Variants in ESRP1 observed in about 807,000 individuals in gnomAD.
ESRP1 encodes the protein epithelial splicing regulatory protein 1, also known as RNA-binding motif protein 35A.
ESRP1 carries 33 observed loss-of-function variants against 81.7 expected under a neutral mutation model. The observed-to-expected ratio is 0.40, with a 90% CI of 0.31 to 0.54. The LOEUF (loss-of-function observed/expected upper bound fraction) is 0.54. Among genes scored for constraint, ESRP1 ranks in the 20% least tolerant of loss-of-function variants. The probability of loss-of-function intolerance (pLI) is 0.41; values close to 1 mark genes in which losing one functional copy is unlikely to be tolerated. For synonymous variants in ESRP1, 320 were observed against 303.3 expected, an observed-to-expected ratio of 1.06 and a Z score of -0.57; for missense variants, 672 against 833.1, an observed-to-expected ratio of 0.81 and a Z score of 2.38.
chr8:94,665,951 T>C (rs1818996270), intron 9 of ESRP1, among the ~76,000 whole-genome samples: 1 of 152,206 alleles, frequency 6.6e-6, no homozygotes, highest in African/African-American at 2.4e-5. Context: ...TTTTTGGATG[T>C]GTATTTACAG....
At chr8:94,703,530 C>A (rs991622975) in intron 15 of ESRP1, among the ~76,000 whole-genome samples, 11 of 152,140 alleles carry the variant, frequency 7.2e-5, no homozygotes, top group Non-Finnish European at 1.0e-4. Context: ...TTTAACTTTT[C>A]CTGGCATTTC....
Position 94,641,288 on chromosome 8 carries a change from A to ACCCCCCCCCC in ESRP1, c.-24_-23insCCCCCCCCCC. ...TTCCACACCACCTTACCGCCTCCCG[A>ACCCCCCCCCC]CCCCCCCTCTCCCCCTCCCCACCTA... On this transcript the variant is annotated 5_prime_UTR_variant, in exon 1 of 16. Transcript: ENST00000433389. 1 of 1,030,374 alleles carries ACCCCCCCCCC rather than the reference A, an allele frequency of 9.7e-7. No homozygotes were observed. The highest frequency in any genetic ancestry group is 1.5e-6 in the Non-Finnish European group (1 of 679,856). 63.8% of individuals were successfully genotyped at this position (1,030,374 alleles called of 1,614,324 possible). A position where few individuals can be genotyped will look rare whatever the true frequency, so the allele number is the denominator to read the frequency against.
chr8:94,648,500 TC>T (rs1440715579), intron 4 of ESRP1, among the ~76,000 whole-genome samples: 12 of 152,252 alleles, frequency 7.9e-5, no homozygotes, highest in African/African-American at 2.9e-4. Flanking sequence ...CAACTTGTGC[TC>T]ATCTATGCAA....
intron 13 of ESRP1, among the ~76,000 whole-genome samples, chr8:94,687,530 A>G (rs7833363): frequency 0.31 from 46,394 of 152,098 alleles, 8,696 homozygotes; most frequent in East Asian, 0.56. Flanking sequence ...AAGTGGCTTC[A>G]CCATTTGACA....
At chr8:94,664,643 G>C (rs1305475530) in intron 6 of ESRP1, 54 bp from the exon 7 acceptor site, 7 of 1,284,978 alleles carry the variant, frequency 5.4e-6, no homozygotes, top group Non-Finnish European at 7.9e-6. Flanking sequence ...GGGGTAATAG[G>C]TGTCTGACTT....
At chr8:94,648,339 T>G (rs1817943766) in intron 4 of ESRP1, among the ~76,000 whole-genome samples, 1 of 152,274 alleles carries the variant, frequency 6.6e-6, no homozygotes, top group Non-Finnish European at 1.5e-5. Context: ...AAGTTAGAAA[T>G]GCTAATAAGC....
intron 15 of ESRP1, among the ~76,000 whole-genome samples, chr8:94,702,789 T>C (rs890709794): frequency 2.0e-5 from 3 of 152,112 alleles, no homozygotes; most frequent in Non-Finnish European, 4.4e-5. Context: ...AGCCTTCAAG[T>C]GAGCCTTTTA....
At chr8:94,656,909 T>G (rs571946890) in intron 4 of ESRP1, among the ~76,000 whole-genome samples, 20 of 152,346 alleles carry the variant, frequency 1.3e-4, no homozygotes, top group African/African-American at 4.8e-4. Context: ...GTGACCATTT[T>G]TAGGTAATTG....
intron 13 of ESRP1, among the ~76,000 whole-genome samples, chr8:94,692,217 T>C (rs373019248): frequency 2.0e-5 from 3 of 152,342 alleles, no homozygotes; most frequent in African/African-American, 7.2e-5. Context: ...CTCATGCTCC[T>C]ATATATAGGT....
rs16916957 is a variant in ESRP1 at position 94,672,220 on chromosome 8, T to A, written c.1452+549T>A. The stretch of plus-strand genomic sequence containing the variant: ...GCTTATTTCATATTTAATATATACA[T>A]GTTAGACATCAAATTACATTCAATA... On this transcript the variant is annotated intron_variant, in intron 11 of 15. Coordinates refer to ENST00000433389, the MANE Select transcript of ESRP1 (RefSeq NM_017697.4). Among the ~76,000 whole-genome samples the A allele has an allele frequency of 8.5e-3, 1,292 of 152,324 alleles. 25 individuals carry two copies. The highest frequency in any genetic ancestry group is 0.029 in the African/African-American group (1,218 of 41,568).
intron 9 of ESRP1, among the ~76,000 whole-genome samples, chr8:94,667,435 T>TAAA (rs3045883): frequency 3.9e-4 from 57 of 147,906 alleles, no homozygotes; most frequent in South Asian, 2.6e-3. Context: ...CTTTCTTAAT[T>TAAA]AAAAAAAAAA....
Position 94,646,218 on chromosome 8 carries a change from A to G in ESRP1, c.426A>G (p.Glu142=), listed in dbSNP as rs774786078. 1 of 1,612,918 alleles carries G rather than the reference A, an allele frequency of 6.2e-7. No homozygotes were observed. Among genetic ancestry groups the G allele is most frequent in the African/African-American group, 1.3e-5 (1 of 74,894 alleles). ...ATTCCTTTTTTGATCTTCGAAAAGA[A>G]TTCAAGAAATGTTGCCCTGGTTCAC... ...CFYSFFDLRK[E]FKKCCPGSPD... is the part of the protein sequence containing the mutation. The change falls in exon 4 of 16, where the codon GAA becomes GAG. Residue 142 remains glutamate (E), a synonymous_variant. Coordinates refer to ENST00000433389, the MANE Select transcript of ESRP1 (RefSeq NM_017697.4).
At chr8:94,702,261 C>T (rs950445454) in intron 15 of ESRP1, among the ~76,000 whole-genome samples, 4 of 152,060 alleles carry the variant, frequency 2.6e-5, no homozygotes, top group African/African-American at 9.7e-5. Flanking sequence ...ATTGGACTGT[C>T]AGCCTTAAGC....
At chr8:94,693,951 G>A (rs1489611089) in intron 14 of ESRP1, among the ~76,000 whole-genome samples, 1 of 152,154 alleles carries the variant, frequency 6.6e-6, no homozygotes, top group African/African-American at 2.4e-5. Context: ...GAAGGAAGGT[G>A]GAGGTCAGTA....
Position 94,642,064 on chromosome 8 carries a change from C to G in ESRP1, c.241C>G (p.Leu81Val), listed in dbSNP as rs375726732. ...DVESLSSASQ[L>V]DQALRQFNQS... The stretch of plus-strand genomic sequence containing the variant: ...CGAAAGCCTGTCCTCGGCGTCGCAG[C>G]TGGACCAAGCCCTCCGACAGGTGAC... The change falls in exon 2 of 16, where the codon CTG becomes GTG. Residue 81 changes from leucine to valine, a missense_variant. Coordinates refer to ENST00000433389, the MANE Select transcript of ESRP1 (RefSeq NM_017697.4). 7 of 1,612,654 alleles carry G rather than the reference C, an allele frequency of 4.3e-6. No individual in the cohort carries two copies. Among genetic ancestry groups the G allele is most frequent in the Middle Eastern group, 3.6e-4 (2 of 5,594 alleles).
intron 10 of ESRP1, among the ~76,000 whole-genome samples, chr8:94,668,788 C>CAT (rs1819150206): frequency 2.6e-5 from 2 of 76,840 alleles, no homozygotes; most frequent in African/African-American, 1.1e-4. Flanking sequence ...TAGCTTTCAG[C>CAT]ATGTGTGTGT....
chr8:94,691,361 A>C (rs1219898477), intron 13 of ESRP1, among the ~76,000 whole-genome samples: 1 of 152,228 alleles, frequency 6.6e-6, no homozygotes, highest in African/African-American at 2.4e-5. Context: ...TAGAAGGTTG[A>C]GGGCAGCTTA....
rs1368542783 is a variant in ESRP1, at chr8:94,676,038, T to C, written c.1651+1532T>C. Among the ~76,000 whole-genome samples, 5 of 152,218 alleles carry C rather than the reference T, an allele frequency of 3.3e-5. No individual in the cohort carries two copies. The East Asian group carries it at 9.6e-4, about 29-fold the overall frequency. ...AAGGAATGTTTTATGGTTAACTTCA[T>C]TTTTGTAGTCAGTGCATATACACTA... On this transcript the variant is annotated intron_variant, in intron 12 of 15. Coordinates refer to ENST00000433389, the MANE Select transcript of ESRP1 (RefSeq NM_017697.4).
intron 12 of ESRP1, among the ~76,000 whole-genome samples, chr8:94,677,777 G>A (rs967097072): frequency 2.0e-5 from 3 of 152,142 alleles, no homozygotes; most frequent in African/African-American, 7.2e-5. Flanking sequence ...CTGTACTGAC[G>A]GGTAGGTAGC....
Sources: gnomAD v4.1 joint callset for allele counts (sites outside exome capture counted in the v4.1 genomes callset) on GRCh38, gnomAD v4.1.1 for gene constraint, MANE v1.5 for transcripts, NCBI Gene and HGNC (gene_info 2026-07-23, HGNC 2026-07-21) for gene names.